Variants in PARN observed in about 807,000 individuals in gnomAD.
PARN encodes poly(A)-specific ribonuclease, also known as poly(A)-specific ribonuclease PARN.
In PARN, 71 loss-of-function variants were observed where a neutral mutation model predicts 102.8. That is an observed-to-expected ratio of 0.69 (90% CI 0.57 to 0.84). PARN has a LOEUF of 0.84. PARN is among the 40% of genes least tolerant of loss of function. The pLI is 0.00. For synonymous variants in PARN, 261 were observed against 252.9 expected, an observed-to-expected ratio of 1.03 and a Z score of -0.30; for missense variants, 782 against 760.9, an observed-to-expected ratio of 1.03 and a Z score of -0.33.
chr16:14,585,385 C>CA (rs1969788061), intron 14 of PARN, among the ~76,000 whole-genome samples: 3 of 90,516 alleles, frequency 3.3e-5, no homozygotes, highest in African/African-American at 1.3e-4. Flanking sequence ...TTTTTTTTTT[C>CA]ATATAAATGT....
chr16:14,628,957 G>A (rs1972851525), intron 2 of PARN, among the ~76,000 whole-genome samples: 1 of 152,176 alleles, frequency 6.6e-6, no homozygotes, highest in South Asian at 2.1e-4. Flanking sequence ...CACACCTGTT[G>A]AGGCAGGCAA....
intron 21 of PARN, among the ~76,000 whole-genome samples, chr16:14,487,062 C>T (rs1484193888): frequency 1.3e-5 from 2 of 152,240 alleles, no homozygotes; most frequent in Non-Finnish European, 1.5e-5. Context: ...TGATCCCAAC[C>T]GGCCCACCCG....
chr16:14,585,587 A>G (rs1428236795), intron 14 of PARN, among the ~76,000 whole-genome samples: 1 of 152,150 alleles, frequency 6.6e-6, no homozygotes, highest in Non-Finnish European at 1.5e-5. Context: ...TAACTATGGA[A>G]AACACCAACA....
At chr16:14,505,328 A>C (rs1964834567) in intron 21 of PARN, among the ~76,000 whole-genome samples, 1 of 152,250 alleles carries the variant, frequency 6.6e-6, no homozygotes, top group Non-Finnish European at 1.5e-5. Context: ...TAGATTAAGA[A>C]TAGCTGGGCA....
rs527464831 is a variant in PARN, at chr16:14,549,714, C to G, written c.1480+2307G>C. Among the ~76,000 whole-genome samples, 8 of 152,294 alleles carry G rather than the reference C, an allele frequency of 5.3e-5. No individual in the cohort carries two copies. In the East Asian group the frequency reaches 1.5e-3, roughly 29 times the overall value. On this transcript the variant is annotated intron_variant, in intron 21 of 23. Transcript: ENST00000437198. ...CTCATGTTTTACAGATTTCAAAGCA[C>G]TCTTACACACTGTTCACAGCAAGGG...
intron 18 of PARN, among the ~76,000 whole-genome samples, chr16:14,572,910 AC>A (rs1472920720): frequency 6.7e-6 from 1 of 149,294 alleles, no homozygotes; most frequent in Non-Finnish European, 1.5e-5. Context: ...TTTTTTTGAG[AC>A]AGGGTCTTAC....
intron 18 of PARN, among the ~76,000 whole-genome samples, chr16:14,575,364 A>G (rs1164179085): frequency 2.0e-5 from 3 of 152,362 alleles, no homozygotes; most frequent in African/African-American, 7.2e-5. Flanking sequence ...CTGCAAAGCC[A>G]CAGGAGCAGA....
At chr16:14,502,604 TA>T (rs1164695157) in intron 21 of PARN, among the ~76,000 whole-genome samples, 1 of 152,182 alleles carries the variant, frequency 6.6e-6, no homozygotes, top group Non-Finnish European at 1.5e-5. Context: ...TCTCACACCC[TA>T]AAAAATAATT....
In PARN at chr16:14,566,976, T is replaced by C. The variant is rs552072916; in HGVS notation, c.1263-11267A>G. On this transcript the variant is annotated intron_variant, in intron 18 of 23. Transcript: ENST00000437198. ...GAGGCAAGCAGTCCCTTCCCTGAAGTAGCACTTGTTTCCAGTCTTAAAAAA... is the reference window on the plus strand; with the variant it reads ...GAGGCAAGCAGTCCCTTCCCTGAAGCAGCACTTGTTTCCAGTCTTAAAAAA... 1.2e-4 allele frequency among the ~76,000 whole-genome samples: 18 copies of C among 152,348 alleles called. 1 individual carries two copies. The highest frequency in any genetic ancestry group is 6.8e-3 in the Middle Eastern group (2 of 294).
chr16:14,518,888 G>A (rs1177606309), intron 21 of PARN, among the ~76,000 whole-genome samples: 1 of 152,050 alleles, frequency 6.6e-6, no homozygotes, highest in African/African-American at 2.4e-5. Context: ...TCCAACTGGG[G>A]GCATAAGCTC....
intron 14 of PARN, among the ~76,000 whole-genome samples, chr16:14,585,547 A>G (rs1200503953): frequency 6.6e-6 from 1 of 152,150 alleles, no homozygotes; most frequent in Non-Finnish European, 1.5e-5. Context: ...GATATGTGAC[A>G]TATGACCTAT....
intron 21 of PARN, among the ~76,000 whole-genome samples, chr16:14,538,267 GGA>G (rs1966700148): frequency 6.8e-6 from 1 of 146,386 alleles, no homozygotes; most frequent in Non-Finnish European, 1.5e-5. Flanking sequence ...CGTCCAGGCT[GGA>G]GTGCAGGGGC....
At chr16:14,471,827 G>T (rs532760954) in intron 22 of PARN, among the ~76,000 whole-genome samples, 1 of 152,286 alleles carries the variant, frequency 6.6e-6, no homozygotes, top group East Asian at 1.9e-4. Context: ...CTAAGGAGCA[G>T]AATTTACACC....
Position 14,608,290 on chromosome 16 carries a change from A to C in PARN, c.650T>G (p.Leu217Trp). ...CAATATAAATACTTACTTCCAGCTC[A>C]AAGTCTGATAAATTAGTTTTCTTTG... ...GFQRKLIYQT[L>W]SWKYPKGIHV... Residue 217 changes from leucine (L) to tryptophan (W), a missense_variant, in exon 9 of 24, where the codon TTG becomes TGG. By Grantham distance (61) the Leu-to-Trp change is moderately conservative. Coordinates refer to ENST00000437198, the MANE Select transcript of PARN (RefSeq NM_002582.4). 6.5e-7 allele frequency: 1 copy of C among 1,540,854 alleles called. No individual in the cohort carries two copies. Among genetic ancestry groups the C allele is most frequent in the Non-Finnish European group, 8.8e-7 (1 of 1,139,082 alleles).
rs145456176 is a variant in PARN, at chr16:14,491,975, G to A, written c.1481-9148C>T. Among the ~76,000 whole-genome samples the A allele has an allele frequency of 6.0e-3, 915 of 152,306 alleles. 6 individuals carry two copies. Among genetic ancestry groups the A allele is most frequent in the Non-Finnish European group, 7.5e-3 (512 of 68,036 alleles). On this transcript the variant is annotated intron_variant, in intron 21 of 23. Coordinates refer to ENST00000437198, the MANE Select transcript of PARN (RefSeq NM_002582.4). The stretch of plus-strand genomic sequence containing the variant: ...CCTGGACTGGAAACTGGAGGCCCTG[G>A]CTCTGGCTCGAACGGGTAGTTTTGC...
intron 7 of PARN, 127 bp from the exon 8 acceptor site, chr16:14,609,250 C>T (rs1273011440): frequency 1.7e-6 from 1 of 582,134 alleles, no homozygotes; most frequent in Non-Finnish European, 3.0e-6. Context: ...TACCAAATTA[C>T]CCTAGAAATT....
Position 14,436,303 on chromosome 16 carries a change from A to G in PARN, c.*414T>C, listed in dbSNP as rs908434494. ...ACTGCCTCAAAATCTCAGTGCGAGA[A>G]GATGCACAGGCAGGACAGTACACCC... On this transcript the variant is annotated 3_prime_UTR_variant, in exon 24 of 24. Transcript: ENST00000437198. 1.8e-5 allele frequency: 3 copies of G among 166,744 alleles called. No homozygotes were observed. The highest frequency in any genetic ancestry group is 7.1e-5 in the African/African-American group (3 of 41,986). 10.3% of individuals were successfully genotyped at this position (166,744 alleles called of 1,614,324 possible).
At chr16:14,484,060 GCTCCTATGCA>G (rs1490848973) in intron 21 of PARN, among the ~76,000 whole-genome samples, 3 of 152,152 alleles carry the variant, frequency 2.0e-5, no homozygotes, top group Non-Finnish European at 4.4e-5. Context: ...TCATAACTTA[GCTCCTATGCA>G]CTCTGCAAAT....
At chr16:14,578,522 G>A (rs962331211) in intron 18 of PARN, 6 of 151,734 alleles carry the variant, frequency 4.0e-5, no homozygotes, top group African/African-American at 1.5e-4. Flanking sequence ...CGGGCATGGT[G>A]GCACTTGCCT....
Sources: allele counts gnomAD v4.1 joint callset (sites outside exome capture counted in the v4.1 genomes callset), GRCh38; gene constraint gnomAD v4.1.1; transcripts MANE v1.5; gene names NCBI Gene and HGNC (gene_info 2026-07-23, HGNC 2026-07-21).